Variants in TRAM2 observed in about 807,000 individuals in gnomAD.
The protein encoded by TRAM2 is translocating chain-associated membrane protein 2.
A neutral mutation model predicts 51.0 loss-of-function variants in TRAM2; 12 were observed. The observed-to-expected ratio is 0.24, with a 90% CI of 0.15 to 0.38. The LOEUF (loss-of-function observed/expected upper bound fraction) is 0.38. Among genes scored for constraint, TRAM2 ranks in the 10% least tolerant of loss-of-function variants. The pLI, the probability that TRAM2 is intolerant of heterozygous loss-of-function variation, is 1.00. For synonymous variants in TRAM2, 175 were observed against 179.4 expected (o/e 0.98, Z 0.20); for missense variants, 361 against 462.0 (o/e 0.78, Z 2.00).
chr6:52,568,006 C>T (rs1055283485), intron 1 of TRAM2, among the ~76,000 whole-genome samples: 5 of 152,214 alleles, frequency 3.3e-5, no homozygotes, highest in African/African-American at 1.2e-4. Flanking sequence ...TTTTCCAGTC[C>T]TGTTCTACAT....
intron 1 of TRAM2, among the ~76,000 whole-genome samples, chr6:52,571,527 T>TC (rs1401260959): frequency 1.3e-5 from 2 of 152,192 alleles, no homozygotes; most frequent in Non-Finnish European, 2.9e-5. Context: ...CAGGGCAGTC[T>TC]CCCTGTGGTT....
At position 52,501,867 on chromosome 6, in the gene TRAM2, G is replaced by C. The variant is rs1581864601; in HGVS notation, c.*1330C>G. ...CCGTAATTAGGACCGGCTTTTTAAA[G>C]CTGAACGCCCCTTCTAAAAGTCCTC... is the stretch of plus-strand genomic sequence containing the variant. On this transcript the variant is annotated 3_prime_UTR_variant, in exon 11 of 11. Transcript: ENST00000182527. 1 of 152,258 alleles carries C rather than the reference G, an allele frequency of 6.6e-6. No homozygotes were observed. The highest frequency in any genetic ancestry group is 3.4e-3 in the Middle Eastern group (1 of 294). The allele number at this position is 152,258 out of a possible 1,614,324, so 9.4% of individuals were successfully genotyped here. A position where few individuals can be genotyped will look rare whatever the true frequency, so the allele number is the denominator to read the frequency against.
In TRAM2 at chr6:52,564,099, T is replaced by C. The variant is rs185880784; in HGVS notation, c.120+12697A>G. ...AAGGCAACTCACACACACACCATCCTGTGTGTGCATGGGACCATACCTGAC... is the reference window on the plus strand; with the variant it reads ...AAGGCAACTCACACACACACCATCCCGTGTGTGCATGGGACCATACCTGAC... On this transcript the variant is annotated intron_variant, in intron 1 of 10. Transcript: ENST00000182527. Among the ~76,000 whole-genome samples, 383 of 152,174 alleles carry C rather than the reference T, an allele frequency of 2.5e-3. 2 individuals are homozygous for C. Among genetic ancestry groups the C allele is most frequent in the African/African-American group, 8.4e-3 (350 of 41,502 alleles).
chr6:52,547,786 C>T (rs1331762406), intron 1 of TRAM2, among the ~76,000 whole-genome samples: 1 of 152,230 alleles, frequency 6.6e-6, no homozygotes, highest in Non-Finnish European at 1.5e-5. Context: ...CTCAGCCTGT[C>T]AGCCTTTATT....
intron 1 of TRAM2, among the ~76,000 whole-genome samples, chr6:52,555,236 C>T (rs1338766588): frequency 6.6e-6 from 1 of 151,936 alleles, no homozygotes; most frequent in Non-Finnish European, 1.5e-5. Context: ...GCCCTCTTCG[C>T]TCTCCCACTT....
rs1247132019 is a variant in TRAM2, at chr6:52,571,431, C to T, written c.120+5365G>A. On this transcript the variant is annotated intron_variant, in intron 1 of 10. Transcript: ENST00000182527. ...CGGGACTAAGGCACTCTGTTGTGAC[C>T]GGTCCGGACAGCGCCCTCGAGAAAC... 3.3e-5 allele frequency among the ~76,000 whole-genome samples: 5 copies of T among 152,160 alleles called. No individual in the cohort carries two copies. The South Asian group carries it at 8.3e-4, about 25-fold the overall frequency.
chr6:52,506,064 G>T lies in TRAM2; in HGVS notation c.699C>A (p.Leu233=), dbSNP rs750436716. ...STEFLFHTAR[L]FYFADENNEK... ...CGTTGTTTTCATCTGCAAAGTAGAA[G>T]AGTCTAGCCGTGTGGAAGAGGAACT... Residue 233 remains leucine (L), a synonymous_variant, in exon 8 of 11, where the codon CTC becomes CTA. Transcript: ENST00000182527. 33 of 1,614,094 alleles carry T rather than the reference G, an allele frequency of 2.0e-5. No homozygotes were observed. In the South Asian group the frequency reaches 2.5e-4, roughly 12 times the overall value.
intron 4 of TRAM2, among the ~76,000 whole-genome samples, chr6:52,515,520 G>C (rs1766531749): frequency 6.6e-6 from 1 of 152,232 alleles, no homozygotes; most frequent in Non-Finnish European, 1.5e-5. Flanking sequence ...TAGTAAAACA[G>C]AGAGTAAGCT....
intron 1 of TRAM2, among the ~76,000 whole-genome samples, chr6:52,562,422 C>A (rs1270919163): frequency 6.6e-6 from 1 of 152,138 alleles, no homozygotes; most frequent in South Asian, 2.1e-4. Context: ...GTGCCAGAGG[C>A]AACAGAAACG....
chr6:52,557,408 A>G (rs1767429395), intron 1 of TRAM2, among the ~76,000 whole-genome samples: 1 of 152,134 alleles, frequency 6.6e-6, no homozygotes, highest in Non-Finnish European at 1.5e-5. Flanking sequence ...TGCATTATTC[A>G]CTTATTTGGT....
chr6:52,553,750 C>G (rs548119603), intron 1 of TRAM2, among the ~76,000 whole-genome samples: 4 of 152,264 alleles, frequency 2.6e-5, no homozygotes, highest in Middle Eastern at 3.4e-3. Flanking sequence ...TGTTCAGTTG[C>G]TTGGTGTAGA....
chr6:52,539,503 CTTTTTT>C (rs979559009), intron 1 of TRAM2, among the ~76,000 whole-genome samples: 42 of 151,368 alleles, frequency 2.8e-4, no homozygotes, highest in African/African-American at 1.0e-3. Context: ...GATTTTTTTT[CTTTTTT>C]AACAACTGTA....
At position 52,576,841 on chromosome 6, in the gene TRAM2, G is replaced by A; in HGVS notation, c.75C>T (p.Ile25=). ...QEFVIHNHAD[I]GFCLVLCVLI... is the part of the protein sequence containing the mutation. Reference sequence around the variant, plus strand: ...GGACGCAGAGCACCAGGCAGAAGCCGATGTCCGCATGGTTGTGGATGACGA... The same window carrying A: ...GGACGCAGAGCACCAGGCAGAAGCCAATGTCCGCATGGTTGTGGATGACGA... The change falls in exon 1 of 11, where the codon ATC becomes ATT. Residue 25 remains isoleucine (I), a synonymous_variant. Transcript: ENST00000182527. 2 of 1,613,926 alleles carry A rather than the reference G, an allele frequency of 1.2e-6. No homozygotes were observed. Among genetic ancestry groups the A allele is most frequent in the Non-Finnish European group, 1.7e-6 (2 of 1,179,862 alleles).
chr6:52,518,426 GA>G (rs776999923), intron 2 of TRAM2, among the ~76,000 whole-genome samples: 2 of 152,356 alleles, frequency 1.3e-5, no homozygotes, highest in Non-Finnish European at 2.9e-5. Context: ...AGGCAACGTG[GA>G]AATATTGAAG....
chr6:52,565,816 T>C (rs954871023), intron 1 of TRAM2, among the ~76,000 whole-genome samples: 10 of 152,228 alleles, frequency 6.6e-5, no homozygotes, highest in South Asian at 2.1e-4. Context: ...TGCCTACTTC[T>C]TCTGTCCACT....
chr6:52,512,926 T>C (rs1310887548), intron 4 of TRAM2, among the ~76,000 whole-genome samples: 1 of 152,228 alleles, frequency 6.6e-6, no homozygotes, highest in African/African-American at 2.4e-5. Context: ...TTCCCTCTAC[T>C]TGGTTCTAAA....
At chr6:52,507,072 T>C (rs1379432179) in intron 7 of TRAM2, among the ~76,000 whole-genome samples, 1 of 152,230 alleles carries the variant, frequency 6.6e-6, no homozygotes, top group African/African-American at 2.4e-5. Context: ...ATAGCAATTC[T>C]TTCTGCCTCT....
At chr6:52,509,397 C>T (rs1766409852) in intron 5 of TRAM2, 131 bp downstream of exon 5, 1 of 778,032 alleles carries the variant, frequency 1.3e-6, no homozygotes, top group Non-Finnish European at 2.1e-6. Context: ...GTCTACCATC[C>T]ACAATAGGCT....
chr6:52,551,657 C>T (rs1296984128), intron 1 of TRAM2, among the ~76,000 whole-genome samples: 1 of 152,200 alleles, frequency 6.6e-6, no homozygotes, highest in Non-Finnish European at 1.5e-5. Context: ...TTGGAATCTG[C>T]TGAGTCTCTG....
Sources: gnomAD v4.1 joint callset for allele counts (sites outside exome capture counted in the v4.1 genomes callset) on GRCh38, gnomAD v4.1.1 for gene constraint, MANE v1.5 for transcripts, NCBI Gene and HGNC (gene_info 2026-07-23, HGNC 2026-07-21) for gene names.